SBF2: variants seen among roughly 807,000 people sequenced by gnomAD.
The protein encoded by SBF2 is myotubularin-related protein 13.
In SBF2, 112 loss-of-function variants were observed where a neutral mutation model predicts 225.2. The ratio of observed to expected loss-of-function variants is 0.50; its 90% CI spans 0.43 to 0.58. SBF2 has a LOEUF of 0.58. SBF2 is among the 20% of genes least tolerant of loss of function. The probability of loss-of-function intolerance (pLI) is 0.00; values close to 1 mark genes in which losing one functional copy is unlikely to be tolerated. For synonymous variants in SBF2, 763 were observed against 773.3 expected (o/e 0.99, Z 0.22); for missense variants, 1,996 against 2,206.2 (o/e 0.90, Z 1.91).
At chr11:10,134,248 GC>G (rs977945069) in intron 2 of SBF2, among the ~76,000 whole-genome samples, 1 of 152,060 alleles carries the variant, frequency 6.6e-6, no homozygotes, top group Non-Finnish European at 1.5e-5. Flanking sequence ...GGAAAGACCT[GC>G]CCCCCTGATT....
At chr11:9,895,480 A>C (rs114753571) in intron 17 of SBF2, among the ~76,000 whole-genome samples, 192 of 152,344 alleles carry the variant, frequency 1.3e-3, no homozygotes, top group African/African-American at 4.4e-3. Context: ...CACTGTGAAC[A>C]TTCCAGAAAG....
At chr11:10,202,347 T>A (rs1178111105) in intron 1 of SBF2, among the ~76,000 whole-genome samples, 3 of 152,130 alleles carry the variant, frequency 2.0e-5, no homozygotes. Context: ...AGCCTCATCA[T>A]CTCCCTGCTT....
chr11:10,003,078 T>C (rs79704670), intron 6 of SBF2, among the ~76,000 whole-genome samples: 96 of 152,368 alleles, frequency 6.3e-4, no homozygotes, highest in African/African-American at 2.2e-3. Flanking sequence ...TTGCCTACTA[T>C]ATCTTTTCTC....
intron 14 of SBF2, among the ~76,000 whole-genome samples, chr11:9,965,479 C>A (rs972904086): frequency 1.3e-5 from 2 of 151,914 alleles, no homozygotes; most frequent in African/African-American, 2.4e-5. Context: ...GTAGAGACAG[C>A]GGTTCTCTAT....
intron 39 of SBF2, among the ~76,000 whole-genome samples, chr11:9,781,123 T>C (rs914646170): frequency 1.3e-5 from 2 of 152,252 alleles, no homozygotes; most frequent in East Asian, 3.8e-4. Context: ...GCGTAGACAC[T>C]TATCATGTGT....
rs1384827278 is a variant in SBF2 at position 10,294,125 on chromosome 11, G to T, written c.-56C>A. 6 of 1,251,542 alleles carry T rather than the reference G, an allele frequency of 4.8e-6. No homozygotes were observed. The highest frequency in any genetic ancestry group is 6.1e-6 in the Non-Finnish European group (6 of 981,246). 77.5% of individuals were successfully genotyped at this position (1,251,542 alleles called of 1,614,324 possible). A position where few individuals can be genotyped will look rare whatever the true frequency, so the allele number is the denominator to read the frequency against. On this transcript the variant is annotated 5_prime_UTR_variant, in exon 1 of 40. Coordinates refer to ENST00000256190, the MANE Select transcript of SBF2 (RefSeq NM_030962.4). Reference sequence around the variant, plus strand: ...CCCCGTCGCCGCCCTCGCCGCCGCCGCCCACCCGGCCCGGGAGGGCTCAGC... The same window carrying T: ...CCCCGTCGCCGCCCTCGCCGCCGCCTCCCACCCGGCCCGGGAGGGCTCAGC...
chr11:9,805,477 A>G (rs1477243581), intron 32 of SBF2, among the ~76,000 whole-genome samples: 3 of 152,012 alleles, frequency 2.0e-5, no homozygotes, highest in African/African-American at 7.2e-5. Flanking sequence ...TTCAAATCGG[A>G]TATGTGGAAG....
intron 2 of SBF2, among the ~76,000 whole-genome samples, chr11:10,121,304 T>C (rs753830600): frequency 2.0e-5 from 3 of 152,234 alleles, no homozygotes; most frequent in Admixed American, 6.5e-5. Context: ...GCTTCTTCCA[T>C]CTAAGACAGC....
intron 16 of SBF2, among the ~76,000 whole-genome samples, chr11:9,932,025 GT>G (rs1864535562): frequency 6.6e-6 from 1 of 152,178 alleles, no homozygotes; most frequent in Non-Finnish European, 1.5e-5. Flanking sequence ...GGAAGAAAGG[GT>G]ATCAGTGATT....
At chr11:10,178,530 G>A (rs1278594261) in intron 2 of SBF2, among the ~76,000 whole-genome samples, 11 of 149,768 alleles carry the variant, frequency 7.3e-5, no homozygotes, top group Non-Finnish European at 1.0e-4. Context: ...AAAAGTGGGC[G>A]AAGGACATGA....
chr11:10,229,795 T>G (rs1163839562), intron 1 of SBF2, among the ~76,000 whole-genome samples: 2 of 152,186 alleles, frequency 1.3e-5, no homozygotes, highest in Non-Finnish European at 2.9e-5. Context: ...TTCTGTTGAT[T>G]TGGGGTGGAG....
chr11:10,279,277 G>A (rs559391664), intron 1 of SBF2, among the ~76,000 whole-genome samples: 2 of 152,020 alleles, frequency 1.3e-5, no homozygotes, highest in East Asian at 3.9e-4. Context: ...GCCGGGCATG[G>A]TGGCAGGTGC....
At chr11:9,968,289 T>C in intron 14 of SBF2, 52 bp downstream of exon 14, 1 of 1,526,348 alleles carries the variant, frequency 6.6e-7, no homozygotes, top group South Asian at 1.1e-5. Flanking sequence ...CCTTTTTGGG[T>C]CTTACATCCT....
intron 18 of SBF2, among the ~76,000 whole-genome samples, chr11:9,857,388 G>A (rs1857401762): frequency 6.6e-6 from 1 of 152,202 alleles, no homozygotes; most frequent in African/African-American, 2.4e-5. Context: ...CTTTCGAGAT[G>A]TGTCAATATT....
intron 16 of SBF2, among the ~76,000 whole-genome samples, chr11:9,930,121 C>A (rs1864374556): frequency 6.6e-6 from 1 of 151,730 alleles, no homozygotes. Context: ...ACCTGCACAT[C>A]CTGGACATGT....
chr11:10,152,043 G>A (rs1226944862), intron 2 of SBF2, among the ~76,000 whole-genome samples: 4 of 152,106 alleles, frequency 2.6e-5, no homozygotes, highest in Non-Finnish European at 4.4e-5. Flanking sequence ...CTAAAAATTA[G>A]GCTGGGAATT....
chr11:10,203,159 G>C (rs1009374250), intron 1 of SBF2, among the ~76,000 whole-genome samples: 3 of 152,106 alleles, frequency 2.0e-5, no homozygotes, highest in Non-Finnish European at 4.4e-5. Flanking sequence ...AACCCAAAGA[G>C]GTTAGGGTTC....
chr11:10,087,538 A>G (rs1411443213), intron 2 of SBF2, among the ~76,000 whole-genome samples: 2 of 152,216 alleles, frequency 1.3e-5, no homozygotes, highest in East Asian at 3.8e-4. Context: ...CTAACTGCCC[A>G]TATCTGGCTA....
At chr11:10,094,807 A>G (rs1951949145) in intron 2 of SBF2, among the ~76,000 whole-genome samples, 1 of 151,922 alleles carries the variant, frequency 6.6e-6, no homozygotes. Flanking sequence ...CCCTGGCCCA[A>G]ATACATACAG....
Sources: gnomAD v4.1 joint callset for allele counts (sites outside exome capture counted in the v4.1 genomes callset) on GRCh38, gnomAD v4.1.1 for gene constraint, MANE v1.5 for transcripts, NCBI Gene and HGNC (gene_info 2026-07-23, HGNC 2026-07-21) for gene names.